ALDH1A3: variants seen among roughly 807,000 people sequenced by gnomAD.
ALDH1A3 encodes the protein retinaldehyde dehydrogenase 3.
ALDH1A3 carries 28 observed loss-of-function variants against 57.5 expected under a neutral mutation model. The observed-to-expected ratio is 0.49, with a 90% CI of 0.36 to 0.67. The LOEUF is 0.67. ALDH1A3 is among the 30% of genes least tolerant of loss of function. ALDH1A3 has a pLI of 0.00. For synonymous variants in ALDH1A3, 281 were observed against 264.8 expected (o/e 1.06, Z -0.59); for missense variants, 507 against 669.4 (o/e 0.76, Z 2.68).
Position 100,892,783 on chromosome 15 carries a change from A to G in ALDH1A3, c.475+144A>G. 2.2e-6 allele frequency: 3 copies of G among 1,360,320 alleles called. No homozygotes were observed. In the South Asian group the frequency reaches 4.3e-5, roughly 20 times the overall value. 84.3% of individuals were successfully genotyped at this position (1,360,320 alleles called of 1,614,324 possible). On this transcript the variant is annotated intron_variant, in intron 4 of 12. Transcript: ENST00000329841. The stretch of plus-strand genomic sequence containing the variant: ...AAATGGTACTGCCAATTCTTCTTCT[A>G]AGAACTTCACTTTTAAAGTTGAGGT...
intron 3 of ALDH1A3, 129 bp from the exon 4 acceptor site, chr15:100,892,381 A>G (rs905036660): frequency 4.9e-6 from 6 of 1,225,284 alleles, no homozygotes; most frequent in Non-Finnish European, 3.4e-6. Context: ...GAAGAGGTGC[A>G]TCTGACTGTG....
chr15:100,914,979 C>A lies in ALDH1A3; in HGVS notation c.*206C>A. ...GATGCCTATAGGTTGTCTGTGAAATCGCAGTCCTGCCTGGGGAGGGAGCTG... is the reference window on the plus strand; with the variant it reads ...GATGCCTATAGGTTGTCTGTGAAATAGCAGTCCTGCCTGGGGAGGGAGCTG... On this transcript the variant is annotated 3_prime_UTR_variant, in exon 13 of 13. Transcript: ENST00000329841. 1.7e-6 allele frequency: 1 copy of A among 572,296 alleles called. No homozygotes were observed. Among genetic ancestry groups the A allele is most frequent in the Non-Finnish European group, 3.1e-6 (1 of 321,538 alleles). 35.5% of individuals were successfully genotyped at this position (572,296 alleles called of 1,614,324 possible).
intron 1 of ALDH1A3, chr15:100,880,279 T>G: frequency 2.6e-6 from 1 of 384,284 alleles, no homozygotes; most frequent in East Asian, 3.7e-5. Context: ...CCCGCATCCC[T>G]GCGAGGCCCC....
At chr15:100,885,200 C>A (rs2141547391) in intron 1 of ALDH1A3, 67 bp from the exon 2 acceptor site, 6 of 1,144,694 alleles carry the variant, frequency 5.2e-6, no homozygotes, top group Non-Finnish European at 7.9e-6. Context: ...CACCTAAGGT[C>A]CTTAGCATGT....
Position 100,915,096 on chromosome 15 carries a change from A to G in ALDH1A3, c.*323A>G. The G allele has an allele frequency of 3.4e-6, 1 of 290,348 alleles. No homozygotes were observed. The highest frequency in any genetic ancestry group is 6.7e-6 in the Non-Finnish European group (1 of 150,096). The allele number at this position is 290,348 out of a possible 1,614,324, so 18.0% of individuals were successfully genotyped here. On this transcript the variant is annotated 3_prime_UTR_variant, in exon 13 of 13. Coordinates refer to ENST00000329841, the MANE Select transcript of ALDH1A3 (RefSeq NM_000693.4). ...ACAGGGAGTGGTATTTGAAGTGTCC[A>G]GCAGTTGCTTGAAATGCTTTGCCGA...
At position 100,914,965 on chromosome 15, in the gene ALDH1A3, G is replaced by A. The variant is rs1224357727; in HGVS notation, c.*192G>A. ...TTCACCAGACTGGGGATGCCTATAG[G>A]TTGTCTGTGAAATCGCAGTCCTGCC... On this transcript the variant is annotated 3_prime_UTR_variant, in exon 13 of 13. Coordinates refer to ENST00000329841, the MANE Select transcript of ALDH1A3 (RefSeq NM_000693.4). The A allele has an allele frequency of 5.0e-6, 3 of 598,932 alleles. No individual in the cohort carries two copies. Among genetic ancestry groups the A allele is most frequent in the Non-Finnish European group, 5.8e-6 (2 of 342,214 alleles). The allele number at this position is 598,932 out of a possible 1,614,324, so 37.1% of individuals were successfully genotyped here. A position where few individuals can be genotyped will look rare whatever the true frequency, so the allele number is the denominator to read the frequency against.
At chr15:100,901,035 C>T (rs2041762964) in intron 9 of ALDH1A3, among the ~76,000 whole-genome samples, 2 of 152,222 alleles carry the variant, frequency 1.3e-5, no homozygotes, top group Non-Finnish European at 2.9e-5. Context: ...AGGATGACCT[C>T]CCTACAGAAA....
chr15:100,907,844 C>CTTTTTTTTTTTTTTTTTTT (rs71151987), intron 11 of ALDH1A3, among the ~76,000 whole-genome samples: 59 of 81,920 alleles, frequency 7.2e-4, no homozygotes, highest in Non-Finnish European at 9.4e-4. Context: ...TTCTTTCTTT[C>CTTTTTTTTTTTTTTTTTTT]TTTTTTTTTT....
At chr15:100,897,195 C>G (rs2041713471) in intron 7 of ALDH1A3, among the ~76,000 whole-genome samples, 1 of 152,228 alleles carries the variant, frequency 6.6e-6, no homozygotes, top group Non-Finnish European at 1.5e-5. Flanking sequence ...CCTCATTCAG[C>G]CATCACCCAT....
chr15:100,914,495 TG>T, intron 12 of ALDH1A3: 1 of 501,478 alleles, frequency 2.0e-6, no homozygotes, highest in Non-Finnish European at 3.6e-6. Flanking sequence ...AAGAAGACCT[TG>T]ATATTTACAT....
chr15:100,882,916 T>C (rs192275747), intron 1 of ALDH1A3, among the ~76,000 whole-genome samples: 6 of 152,316 alleles, frequency 3.9e-5, no homozygotes, highest in Admixed American at 3.9e-4. Flanking sequence ...CTTACTACTG[T>C]AGTGTGGTAT....
Position 100,889,094 on chromosome 15 carries a change from G to A in ALDH1A3, c.345+1382G>A, listed in dbSNP as rs1407554052. On this transcript the variant is annotated intron_variant, in intron 3 of 12. Transcript: ENST00000329841. This position sits in a 1 kb window ranked among gnomAD's most constrained non-coding sequence, Gnocchi z 5.1. ...ATCTCAGGGCCACGTTGGGCCATGA[G>A]GTCCTTTGCATCCTGTCCTTGCCCA... 2 of 152,216 alleles carry A rather than the reference G, an allele frequency of 1.3e-5. No individual in the cohort carries two copies. The highest frequency in any genetic ancestry group is 1.3e-4 in the Admixed American group (2 of 15,284). The allele number at this position is 152,216 out of a possible 1,614,324, so 9.4% of individuals were successfully genotyped here. A position where few individuals can be genotyped will look rare whatever the true frequency, so the allele number is the denominator to read the frequency against.
chr15:100,883,621 C>T (rs1256347407), intron 1 of ALDH1A3, among the ~76,000 whole-genome samples: 1 of 151,734 alleles, frequency 6.6e-6, no homozygotes, highest in Non-Finnish European at 1.5e-5. Context: ...CAGGCTTCCT[C>T]ACTATGAGCT....
At position 100,893,654 on chromosome 15, in the gene ALDH1A3, C is replaced by CATT; in HGVS notation, c.538-299_538-298insTTA. On this transcript the variant is annotated intron_variant, in intron 5 of 12. Coordinates refer to ENST00000329841, the MANE Select transcript of ALDH1A3 (RefSeq NM_000693.4). This position sits in a 1 kb window ranked among gnomAD's most constrained non-coding sequence, Gnocchi z 4.8. Reference sequence around the variant, plus strand: ...CAGGTGGCAACATGAAGTGAGGGTTCAAAAAGTGCCCATGGAGGCAGGGAG... The same window carrying CATT: ...CAGGTGGCAACATGAAGTGAGGGTTCATTAAAAAGTGCCCATGGAGGCAGGGAG... 3 of 272,536 alleles carry CATT rather than the reference C, an allele frequency of 1.1e-5. No homozygotes were observed. Among genetic ancestry groups the CATT allele is most frequent in the South Asian group, 1.1e-4 (1 of 9,154 alleles). 16.9% of individuals were successfully genotyped at this position (272,536 alleles called of 1,614,324 possible).
chr15:100,886,590 G>A (rs1484406317), intron 2 of ALDH1A3, among the ~76,000 whole-genome samples: 1 of 152,142 alleles, frequency 6.6e-6, no homozygotes, highest in Admixed American at 6.5e-5. Context: ...ACTCCTGACT[G>A]GTGTCCCACA....
At position 100,889,061 on chromosome 15, in the gene ALDH1A3, C is replaced by G. The variant is rs2041623826; in HGVS notation, c.345+1349C>G. On this transcript the variant is annotated intron_variant, in intron 3 of 12. Transcript: ENST00000329841. This position sits in a 1 kb window ranked among gnomAD's most constrained non-coding sequence, Gnocchi z 5.1. ...CCTCCTCTGGTCATGAGGGAGTGAT[C>G]AGAGGACATCTCAGGGCCACGTTGG... 6.6e-6 allele frequency: 1 copy of G among 152,226 alleles called. No individual in the cohort carries two copies. Among genetic ancestry groups the G allele is most frequent in the Non-Finnish European group, 1.5e-5 (1 of 68,048 alleles). The allele number at this position is 152,226 out of a possible 1,614,324, so 9.4% of individuals were successfully genotyped here. A position where few individuals can be genotyped will look rare whatever the true frequency, so the allele number is the denominator to read the frequency against.
At chr15:100,886,126 G>C (rs1384396200) in intron 2 of ALDH1A3, among the ~76,000 whole-genome samples, 1 of 152,234 alleles carries the variant, frequency 6.6e-6, no homozygotes, top group Admixed American at 6.5e-5. Context: ...ATGCAGTGAA[G>C]GGCGTGTGCA....
chr15:100,909,527 CCACAT>C, intron 12 of ALDH1A3, among the ~76,000 whole-genome samples: 1 of 131,902 alleles, frequency 7.6e-6, no homozygotes, highest in South Asian at 3.1e-4. Context: ...GCAAACCCCT[CCACAT>C]GTGTGTGCAA....
At chr15:100,907,036 C>T in intron 10 of ALDH1A3, 85 bp from the exon 11 acceptor site, 2 of 1,474,630 alleles carry the variant, frequency 1.4e-6, no homozygotes, top group South Asian at 2.6e-5. Flanking sequence ...ATATGAAAAA[C>T]ATGTAAAGAG....
Sources: gnomAD v4.1 joint callset for allele counts (sites outside exome capture counted in the v4.1 genomes callset) on GRCh38, gnomAD v4.1.1 for gene constraint, Gnocchi (gnomAD v3.1) non-coding constraint, MANE v1.5 for transcripts, NCBI Gene and HGNC (gene_info 2026-07-23, HGNC 2026-07-21) for gene names.